Variants in GAD1 observed in about 807,000 individuals in gnomAD.
GAD1 encodes 67 kDa glutamic acid decarboxylase.
GAD1 carries 35 observed loss-of-function variants against 75.2 expected under a neutral mutation model. The observed-to-expected ratio is 0.47, with a 90% CI of 0.36 to 0.62. The LOEUF (loss-of-function observed/expected upper bound fraction) is 0.62. Ranked by LOEUF, GAD1 falls within the 20% of genes least tolerant of loss-of-function variation. The pLI is 0.00. For synonymous variants in GAD1, 257 were observed against 271.9 expected, an observed-to-expected ratio of 0.95 and a Z score of 0.54; for missense variants, 490 against 758.5, an observed-to-expected ratio of 0.65 and a Z score of 4.16.
Position 170,818,200 on chromosome 2 carries a change from C to G in GAD1, c.-63-329C>G. On this transcript the variant is annotated intron_variant, in intron 1 of 16. Coordinates refer to ENST00000358196, the MANE Select transcript of GAD1 (RefSeq NM_000817.3). This position sits in a 1 kb window ranked among gnomAD's most constrained non-coding sequence, Gnocchi z 5.9. ...TGCTCCTAGCCTAGTCCCCCACACCCTTGCGTCTTGTACTGGCCTTGGACC... is the reference window on the plus strand; with the variant it reads ...TGCTCCTAGCCTAGTCCCCCACACCGTTGCGTCTTGTACTGGCCTTGGACC... The G allele has an allele frequency of 3.5e-6, 1 of 283,188 alleles. No individual in the cohort carries two copies. The highest frequency in any genetic ancestry group is 6.9e-6 in the Non-Finnish European group (1 of 144,818). 17.5% of individuals were successfully genotyped at this position (283,188 alleles called of 1,614,324 possible).
At chr2:170,847,921 C>A in intron 11 of GAD1, 129 bp downstream of exon 11, 1 of 761,974 alleles carries the variant, frequency 1.3e-6, no homozygotes. Flanking sequence ...CAGTTCTTGT[C>A]TGGACCCTAG....
At chr2:170,850,270 A>C (rs1374909967) in intron 12 of GAD1, among the ~76,000 whole-genome samples, 1 of 152,236 alleles carries the variant, frequency 6.6e-6, no homozygotes, top group African/African-American at 2.4e-5. Context: ...AATCTGTCTC[A>C]TAGTAAAGAA....
intron 10 of GAD1, among the ~76,000 whole-genome samples, chr2:170,846,478 G>A (rs1168162711): frequency 2.6e-5 from 4 of 152,202 alleles, no homozygotes. Flanking sequence ...ATGGCCCATG[G>A]TACTTGGCAC....
In GAD1 at chr2:170,824,089, AAGC is replaced by A. The variant is rs1459121728; in HGVS notation, c.145+1941_145+1943del. On this transcript the variant is annotated intron_variant, in intron 3 of 16. Coordinates refer to ENST00000358196, the MANE Select transcript of GAD1 (RefSeq NM_000817.3). ...ACTCCCCCTCCCCCACTGTCAGCCG[AAGC>A]TAGGAGGGAGAGCTCCTGGGGGCTA... Among the ~76,000 whole-genome samples the A allele has an allele frequency of 3.3e-5, 5 of 152,266 alleles. No homozygotes were observed. In the East Asian group the frequency reaches 9.7e-4, roughly 29 times the overall value.
At chr2:170,845,268 C>A in intron 7 of GAD1, 1 of 579,628 alleles carries the variant, frequency 1.7e-6, no homozygotes, top group Non-Finnish European at 3.1e-6. Context: ...CTGAAGTACA[C>A]GAATCACCTC....
chr2:170,860,080 A>C lies in GAD1; in HGVS notation c.*198A>C. On this transcript the variant is annotated 3_prime_UTR_variant, in exon 17 of 17. Coordinates refer to ENST00000358196, the MANE Select transcript of GAD1 (RefSeq NM_000817.3). Reference sequence around the variant, plus strand: ...TAGTGTTCTTTTTAAAAAGTTGCACATTAGGAACAGAGTATATATGTACAG... The same window carrying C: ...TAGTGTTCTTTTTAAAAAGTTGCACCTTAGGAACAGAGTATATATGTACAG... The C allele has an allele frequency of 3.3e-6, 2 of 612,048 alleles. No homozygotes were observed. Among genetic ancestry groups the C allele is most frequent in the Non-Finnish European group, 5.8e-6 (2 of 343,582 alleles). 37.9% of individuals were successfully genotyped at this position (612,048 alleles called of 1,614,324 possible). A position where few individuals can be genotyped will look rare whatever the true frequency, so the allele number is the denominator to read the frequency against.
rs756181349 is a variant in GAD1 at position 170,853,973 on chromosome 2, G to A, written c.1364G>A (p.Cys455Tyr). ...GACACCGGGGACAAGGCAATTCAGT[G>A]TGGCCGCCACGTGGATATCTTCAAG... ...SYDTGDKAIQ[C>Y]GRHVDIFKFW... Residue 455 changes from cysteine to tyrosine, a missense_variant, in exon 14 of 17, where the codon TGT (cysteine) becomes TAT (tyrosine). This residue lies in a region of GAD1 where 324 missense variants were observed against 523.9 expected (regional missense o/e 0.62). Transcript: ENST00000358196. This position sits in a 1 kb window ranked among gnomAD's most constrained non-coding sequence, Gnocchi z 4.1. The A allele has an allele frequency of 6.2e-7, 1 of 1,614,142 alleles. No homozygotes were observed. Among genetic ancestry groups the A allele is most frequent in the Non-Finnish European group, 8.5e-7 (1 of 1,180,038 alleles).
chr2:170,813,733 T>TC (rs1701649965), upstream of GAD1, among the ~76,000 whole-genome samples: 1 of 151,948 alleles, frequency 6.6e-6, no homozygotes, highest in Admixed American at 6.6e-5. Context: ...CTTTAAACAA[T>TC]CCCCCACCCA....
At chr2:170,843,810 T>C (rs2105797464) in intron 6 of GAD1, 1 of 524,882 alleles carries the variant, frequency 1.9e-6, no homozygotes, top group African/African-American at 1.9e-5. Context: ...ATCTATTTTG[T>C]TGGTGAAGTA....
At chr2:170,830,700 C>T (rs541588930) in intron 4 of GAD1, among the ~76,000 whole-genome samples, 54 of 152,338 alleles carry the variant, frequency 3.5e-4, no homozygotes, top group Middle Eastern at 3.4e-3. Flanking sequence ...TTGTTCACGG[C>T]GTCTCAGAGC....
chr2:170,858,761 A>G, intron 15 of GAD1, 43 bp from the exon 16 acceptor site: 1 of 1,583,842 alleles, frequency 6.3e-7, no homozygotes, highest in Non-Finnish European at 8.7e-7. Flanking sequence ...CTTTCTCTCA[A>G]GTTATCCTAA....
Position 170,853,755 on chromosome 2 carries a change from A to G in GAD1, c.1264-118A>G. 1 of 974,194 alleles carries G rather than the reference A, an allele frequency of 1.0e-6. No homozygotes were observed. Among genetic ancestry groups the G allele is most frequent in the South Asian group, 1.3e-5 (1 of 76,938 alleles). 60.3% of individuals were successfully genotyped at this position (974,194 alleles called of 1,614,324 possible). On this transcript the variant is annotated intron_variant, in intron 13 of 16. Transcript: ENST00000358196. The surrounding 1 kb of genome is among the most constrained non-coding windows in gnomAD (Gnocchi z 4.1). ...AGAACAAGTGTAAGGCCTCATAAAG[A>G]CATCAGAAGAAAGATTGCATATGAC...
chr2:170,814,596 T>C (rs1245193826), upstream of GAD1, among the ~76,000 whole-genome samples: 2 of 152,116 alleles, frequency 1.3e-5, no homozygotes, highest in Non-Finnish European at 2.9e-5. Flanking sequence ...CAATGCAAGC[T>C]CCAAAAAATA....
At position 170,829,459 on chromosome 2, in the gene GAD1, G is replaced by T. The variant is rs375708573; in HGVS notation, c.146-16G>T. ...CAGTTTGCAGCACTCTCTCTGACCA[G>T]CTTCTTGTGCCATAGGCTTCTTGCA... On this transcript the variant is annotated splice_polypyrimidine_tract_variant and intron_variant, in intron 3 of 16. Transcript: ENST00000358196. 3.0e-5 allele frequency: 49 copies of T among 1,612,404 alleles called. No homozygotes were observed. In the African/African-American group the frequency reaches 6.0e-4, roughly 20 times the overall value.
At chr2:170,844,518 C>T (rs995613227) in intron 7 of GAD1, among the ~76,000 whole-genome samples, 3 of 151,364 alleles carry the variant, frequency 2.0e-5, no homozygotes, top group Non-Finnish European at 4.4e-5. Flanking sequence ...AAGCAATCCT[C>T]CTGCTTCAGC....
rs1278491749 is a variant in GAD1 at position 170,818,314 on chromosome 2, C to T, written c.-63-215C>T. 9.2e-6 allele frequency: 4 copies of T among 434,366 alleles called. No homozygotes were observed. The highest frequency in any genetic ancestry group is 4.3e-5 in the South Asian group (2 of 46,964). 26.9% of individuals were successfully genotyped at this position (434,366 alleles called of 1,614,324 possible). Reference sequence around the variant, plus strand: ...CAGACTCGAGAGCGGCCCAGGGCTACGCTCCCTGCGCCCCAGTACCGGAGC... The same window carrying T: ...CAGACTCGAGAGCGGCCCAGGGCTATGCTCCCTGCGCCCCAGTACCGGAGC... On this transcript the variant is annotated intron_variant, in intron 1 of 16. Coordinates refer to ENST00000358196, the MANE Select transcript of GAD1 (RefSeq NM_000817.3). This position sits in a 1 kb window ranked among gnomAD's most constrained non-coding sequence, Gnocchi z 5.9.
chr2:170,839,841 T>C (rs1702467313), intron 6 of GAD1, among the ~76,000 whole-genome samples: 1 of 152,216 alleles, frequency 6.6e-6, no homozygotes. Flanking sequence ...AAACATCTAA[T>C]GGCAATACAT....
rs769951300 is a variant in GAD1 at position 170,822,084 on chromosome 2, T to C, written c.83-3T>C. 1.2e-5 allele frequency: 19 copies of C among 1,608,002 alleles called. No homozygotes were observed. Among genetic ancestry groups the C allele is most frequent in the Non-Finnish European group, 1.5e-5 (18 of 1,177,586 alleles). ...GAACCTCTCTCCCTCTCTCTCGTCCTAGCGTACGATACCTGGTGCGGCGTG... is the reference window on the plus strand; with the variant it reads ...GAACCTCTCTCCCTCTCTCTCGTCCCAGCGTACGATACCTGGTGCGGCGTG... On this transcript the variant is annotated splice_polypyrimidine_tract_variant and splice_region_variant and intron_variant, in intron 2 of 16. Transcript: ENST00000358196.
At position 170,845,367 on chromosome 2, in the gene GAD1, G is replaced by A. The variant is rs918255371; in HGVS notation, c.752-139G>A. ...TCCAGTGGGAAGCCCCAGCAATAGG[G>A]AAGCCAGCAAAACCTATCAGGATAT... On this transcript the variant is annotated intron_variant, in intron 7 of 16. Transcript: ENST00000358196. 3.9e-6 allele frequency: 3 copies of A among 762,292 alleles called. No homozygotes were observed. In the East Asian group the frequency reaches 7.8e-5, roughly 20 times the overall value. 47.2% of individuals were successfully genotyped at this position (762,292 alleles called of 1,614,324 possible). A position where few individuals can be genotyped will look rare whatever the true frequency, so the allele number is the denominator to read the frequency against.
Sources: gnomAD v4.1 joint callset for allele counts (sites outside exome capture counted in the v4.1 genomes callset) on GRCh38, gnomAD v4.1.1 for gene constraint, gnomAD v4.1.1 regional missense constraint, Gnocchi (gnomAD v3.1) non-coding constraint, MANE v1.5 for transcripts, NCBI Gene and HGNC (gene_info 2026-07-23, HGNC 2026-07-21) for gene names.